The following ADAMTS3 variants were observed in gnomAD, a reference collection of about 807,000 sequenced individuals.
ADAMTS3 encodes the protein A disintegrin and metalloproteinase with thrombospondin motifs 3.
In ADAMTS3, 73 loss-of-function variants were observed where a neutral mutation model predicts 129.0. The ratio of observed to expected loss-of-function variants is 0.57; its 90% CI spans 0.47 to 0.69. The LOEUF (loss-of-function observed/expected upper bound fraction) is 0.69, where lower values mean the gene tolerates loss of function less well. Ranked by LOEUF, ADAMTS3 falls within the 30% of genes least tolerant of loss-of-function variation. ADAMTS3 has a pLI of 0.00. For missense variants in ADAMTS3, 1,457 were observed against 1,514.5 expected (o/e 0.96, Z 0.63); for synonymous variants, 477 against 510.8 (o/e 0.93, Z 0.89).
chr4:72,371,441 GTAAATAAATAAATAAA>G (rs4019787), intron 4 of ADAMTS3, among the ~76,000 whole-genome samples: 10 of 148,754 alleles, frequency 6.7e-5, no homozygotes, highest in South Asian at 2.1e-4. Context: ...GACACTAAAA[GTAAATAAATAAATAAA>G]TAAATAAATA....
At chr4:72,510,945 C>A (rs1209054542) in intron 3 of ADAMTS3, among the ~76,000 whole-genome samples, 1 of 149,688 alleles carries the variant, frequency 6.7e-6, no homozygotes, top group African/African-American at 2.5e-5. Flanking sequence ...ACCAATGGAA[C>A]AGAATAGAGA....
At chr4:72,319,263 C>T in intron 9 of ADAMTS3, 69 bp downstream of exon 9, 1 of 1,576,846 alleles carries the variant, frequency 6.3e-7, no homozygotes, top group South Asian at 1.1e-5. Context: ...ATGATCAAGT[C>T]CTAAGAGTCA....
intron 4 of ADAMTS3, among the ~76,000 whole-genome samples, chr4:72,378,310 A>ACTT (rs1721186590): frequency 6.6e-6 from 1 of 152,188 alleles, no homozygotes; most frequent in Non-Finnish European, 1.5e-5. Flanking sequence ...CAAAATGGTT[A>ACTT]CTTTCTTCCT....
intron 4 of ADAMTS3, among the ~76,000 whole-genome samples, chr4:72,404,927 A>C (rs1722013729): frequency 6.6e-6 from 1 of 152,028 alleles, no homozygotes; most frequent in African/African-American, 2.4e-5. Flanking sequence ...TCTGTGTAAA[A>C]CAGACCAACA....
chr4:72,339,372 T>C (rs1720072186), intron 5 of ADAMTS3, 122 bp downstream of exon 5: 6 of 804,528 alleles, frequency 7.5e-6, no homozygotes, highest in South Asian at 6.7e-5. Flanking sequence ...TTAAATTTAA[T>C]GCCATCATGC....
At chr4:72,536,857 C>G (rs935698805) in intron 3 of ADAMTS3, among the ~76,000 whole-genome samples, 1 of 152,108 alleles carries the variant, frequency 6.6e-6, no homozygotes, top group African/African-American at 2.4e-5. Context: ...GGCCACTATT[C>G]GTTTTCATTC....
rs145089188 is a variant in ADAMTS3 at position 72,350,899 on chromosome 4, T to C, written c.662-11206A>G. Among the ~76,000 whole-genome samples, 241 of 152,048 alleles carry C rather than the reference T, an allele frequency of 1.6e-3. No homozygotes were observed. The East Asian group carries it at 0.016, about 10-fold the overall frequency. On this transcript the variant is annotated intron_variant, in intron 4 of 21. Transcript: ENST00000286657. Reference sequence around the variant, plus strand: ...AATACCAGAGGGGGACCTCTGCAGATCTTTAGAGTTGTATCTCTGTATGGC... The same window carrying C: ...AATACCAGAGGGGGACCTCTGCAGACCTTTAGAGTTGTATCTCTGTATGGC...
chr4:72,354,991 T>A (rs1487849029), intron 4 of ADAMTS3, among the ~76,000 whole-genome samples: 1 of 152,026 alleles, frequency 6.6e-6, no homozygotes, highest in East Asian at 1.9e-4. Context: ...AAGCTTTTGG[T>A]ATTGCAAATT....
chr4:72,467,446 T>C (rs1326026269), intron 3 of ADAMTS3, among the ~76,000 whole-genome samples: 1 of 152,040 alleles, frequency 6.6e-6, no homozygotes, highest in African/African-American at 2.4e-5. Context: ...CTCCTTATAA[T>C]CTAAATAAGA....
intron 4 of ADAMTS3, among the ~76,000 whole-genome samples, chr4:72,373,860 A>C (rs1721072781): frequency 1.3e-5 from 2 of 151,084 alleles, no homozygotes; most frequent in African/African-American, 2.4e-5. Flanking sequence ...AGATCACACC[A>C]CTGCACTCTA....
intron 17 of ADAMTS3, among the ~76,000 whole-genome samples, chr4:72,302,864 T>C (rs1054248972): frequency 6.6e-6 from 1 of 152,162 alleles, no homozygotes; most frequent in African/African-American, 2.4e-5. Flanking sequence ...GCTGTATAAA[T>C]GAGTAAAAGA....
intron 3 of ADAMTS3, among the ~76,000 whole-genome samples, chr4:72,483,651 C>A (rs766458876): frequency 6.6e-6 from 1 of 152,140 alleles, no homozygotes; most frequent in African/African-American, 2.4e-5. Flanking sequence ...TAGTATCCAA[C>A]CTAGCTGCAA....
chr4:72,285,062 T>C (rs1286113957), intron 21 of ADAMTS3, among the ~76,000 whole-genome samples: 1 of 152,206 alleles, frequency 6.6e-6, no homozygotes, highest in Non-Finnish European at 1.5e-5. Flanking sequence ...TATTATTGGG[T>C]AATACTATAC....
chr4:72,367,677 T>C lies in ADAMTS3; in HGVS notation c.662-27984A>G, dbSNP rs552774215. On this transcript the variant is annotated intron_variant, in intron 4 of 21. Transcript: ENST00000286657. ...CATCCTGGCTAACATGGTGAAACCC[T>C]GTCTCTCCTAAAAACACAAAAGATT... is the stretch of plus-strand genomic sequence containing the variant. 3.9e-5 allele frequency among the ~76,000 whole-genome samples: 6 copies of C among 152,164 alleles called. No individual in the cohort carries two copies. The South Asian group carries it at 1.2e-3, about 32-fold the overall frequency.
At chr4:72,386,584 G>C (rs557724013) in intron 4 of ADAMTS3, among the ~76,000 whole-genome samples, 1 of 152,158 alleles carries the variant, frequency 6.6e-6, no homozygotes, top group South Asian at 2.1e-4. Flanking sequence ...TTTAAGGGAT[G>C]GGGGAAGAGA....
intron 5 of ADAMTS3, among the ~76,000 whole-genome samples, chr4:72,335,312 C>G (rs897871179): frequency 6.6e-6 from 1 of 152,098 alleles, no homozygotes; most frequent in Non-Finnish European, 1.5e-5. Context: ...GCAACACCTA[C>G]AGAATTTTAC....
At chr4:72,294,705 C>G (rs1009115451) in intron 19 of ADAMTS3, among the ~76,000 whole-genome samples, 1 of 151,968 alleles carries the variant, frequency 6.6e-6, no homozygotes, top group African/African-American at 2.4e-5. Context: ...CTTTGAAAGA[C>G]AAAGAGACCA....
chr4:72,398,950 T>G (rs1250615601), intron 4 of ADAMTS3, among the ~76,000 whole-genome samples: 1 of 152,194 alleles, frequency 6.6e-6, no homozygotes, highest in East Asian at 1.9e-4. Context: ...CAGATTACCT[T>G]TCTTGTAATT....
At chr4:72,285,565 AG>A (rs1430628318) in intron 21 of ADAMTS3, among the ~76,000 whole-genome samples, 1 of 152,098 alleles carries the variant, frequency 6.6e-6, no homozygotes, top group Non-Finnish European at 1.5e-5. Flanking sequence ...GAGTTAGAGA[AG>A]GAGTCCAACC....
Sources: allele counts gnomAD v4.1 joint callset (sites outside exome capture counted in the v4.1 genomes callset), GRCh38; gene constraint gnomAD v4.1.1; transcripts MANE v1.5; gene names NCBI Gene and HGNC (gene_info 2026-07-23, HGNC 2026-07-21).